The following GLRA1 variants were observed in gnomAD, a reference collection of about 807,000 sequenced individuals.
GLRA1 encodes the protein glycine receptor alpha 1.
Under a neutral mutation model 48.3 loss-of-function variants are expected in GLRA1, and 37 were observed. That is an observed-to-expected ratio of 0.77 (90% CI 0.59 to 1.01). The LOEUF is 1.01. Ranked by LOEUF, GLRA1 falls within the 50% of genes least tolerant of loss-of-function variation. The probability of loss-of-function intolerance (pLI) is 0.00; values close to 1 mark genes in which losing one functional copy is unlikely to be tolerated. For missense variants in GLRA1, 427 were observed against 571.0 expected, an observed-to-expected ratio of 0.75 and a Z score of 2.57; for synonymous variants, 196 against 210.7, an observed-to-expected ratio of 0.93 and a Z score of 0.60.
At chr5:151,854,503 G>A (rs12109022) in intron 6 of GLRA1, among the ~76,000 whole-genome samples, 60,559 of 152,070 alleles carry the variant, frequency 0.4, 12,227 homozygotes, top group South Asian at 0.45. Context: ...AGCCAGTCTT[G>A]ATCTGGCCCC....
chr5:151,849,242 C>CTTCCTTCCTTCCTTCT (rs1752805778), intron 7 of GLRA1, among the ~76,000 whole-genome samples: 1 of 93,002 alleles, frequency 1.1e-5, no homozygotes, highest in African/African-American at 4.9e-5. Flanking sequence ...TCCTTCCTTC[C>CTTCCTTCCTTCCTTCT]TTCCTTCCCT....
At chr5:151,865,934 G>T (rs1753324223) in intron 3 of GLRA1, among the ~76,000 whole-genome samples, 1 of 152,130 alleles carries the variant, frequency 6.6e-6, no homozygotes, top group Non-Finnish European at 1.5e-5. Context: ...CAATGTAATT[G>T]GTGTAATAGG....
At chr5:151,876,682 G>A (rs573166101) in intron 3 of GLRA1, among the ~76,000 whole-genome samples, 2 of 152,130 alleles carry the variant, frequency 1.3e-5, no homozygotes, top group Non-Finnish European at 2.9e-5. Flanking sequence ...TCTTTGGGCA[G>A]TGCCATGTGA....
chr5:151,839,905 A>T (rs1478404317), intron 7 of GLRA1, among the ~76,000 whole-genome samples: 1 of 152,206 alleles, frequency 6.6e-6, no homozygotes, highest in Non-Finnish European at 1.5e-5. Context: ...TTAAACCACC[A>T]AATCTGTGGC....
chr5:151,905,611 C>T (rs1042840300), intron 1 of GLRA1, among the ~76,000 whole-genome samples: 23 of 152,118 alleles, frequency 1.5e-4, no homozygotes, highest in African/African-American at 5.6e-4. Flanking sequence ...AGAAATATTT[C>T]TGAGGCAGAA....
At position 151,870,812 on chromosome 5, in the gene GLRA1, T is replaced by C. The variant is rs777906305; in HGVS notation, c.253-10804A>G. On this transcript the variant is annotated intron_variant, in intron 3 of 8. Coordinates refer to ENST00000274576, the MANE Select transcript of GLRA1 (RefSeq NM_000171.4). The stretch of plus-strand genomic sequence containing the variant: ...CTTCCCTCAAGACTGTCTACCTCTC[T>C]TTTCTCCAATTCCAGTTATGTTAAA... 7.3e-4 allele frequency among the ~76,000 whole-genome samples: 109 copies of C among 149,922 alleles called. 2 individuals are homozygous for C. The highest frequency in any genetic ancestry group is 3.4e-3 in the Middle Eastern group (1 of 294).
intron 8 of GLRA1, among the ~76,000 whole-genome samples, chr5:151,825,919 C>T (rs1205532310): frequency 2.0e-5 from 3 of 152,138 alleles, no homozygotes; most frequent in African/African-American, 7.2e-5. Context: ...TTGTACACCT[C>T]TAGGGTACAA....
At chr5:151,827,826 G>A (rs749369502) in intron 8 of GLRA1, among the ~76,000 whole-genome samples, 3 of 152,066 alleles carry the variant, frequency 2.0e-5, no homozygotes, top group Non-Finnish European at 4.4e-5. Flanking sequence ...TCTGTCAGTG[G>A]AAAAACTTCA....
intron 2 of GLRA1, 123 bp from the exon 3 acceptor site, chr5:151,886,911 C>T: frequency 1.3e-6 from 1 of 758,308 alleles, no homozygotes; most frequent in South Asian, 1.4e-5. Context: ...TCCTTGCTTG[C>T]TCTCCACCCC....
chr5:151,892,341 A>G lies in GLRA1; in HGVS notation c.154T>C (p.Tyr52His). 1 of 1,614,002 alleles carries G rather than the reference A, an allele frequency of 6.2e-7. No homozygotes were observed. Among genetic ancestry groups the G allele is most frequent in the Non-Finnish European group, 8.5e-7 (1 of 1,179,862 alleles). Residue 52 changes from tyrosine to histidine, a missense_variant, in exon 2 of 9, where the codon TAT (tyrosine) becomes CAT (histidine). This residue lies in a region of GLRA1 where 271 missense variants were observed against 434.9 expected (regional missense o/e 0.62). Coordinates refer to ENST00000274576, the MANE Select transcript of GLRA1 (RefSeq NM_000171.4). ...AAATTGGGCCTGATCCTGGCATCATATCCGGAGGTTCTCCCCATTAGCTTA... is the reference window on the plus strand; with the variant it reads ...AAATTGGGCCTGATCCTGGCATCATGTCCGGAGGTTCTCCCCATTAGCTTA... ...LDKLMGRTSG[Y>H]DARIRPNFKG...
Position 151,869,989 on chromosome 5 carries a change from A to G in GLRA1, c.253-9981T>C, listed in dbSNP as rs1001110733. 3.5e-4 allele frequency among the ~76,000 whole-genome samples: 53 copies of G among 149,722 alleles called. 5 individuals are homozygous for G. The highest frequency in any genetic ancestry group is 1.3e-3 in the African/African-American group (51 of 39,296). ...TAAAAAAAATTTTAAACCAAGTTCA[A>G]TTTATTTTATTTTAAAACATCTATT... is the stretch of plus-strand genomic sequence containing the variant. On this transcript the variant is annotated intron_variant, in intron 3 of 8. Transcript: ENST00000274576.
chr5:151,866,772 A>G (rs1007942729), intron 3 of GLRA1, among the ~76,000 whole-genome samples: 3 of 152,060 alleles, frequency 2.0e-5, no homozygotes, highest in African/African-American at 7.2e-5. Context: ...ATGGACACAA[A>G]TATCTACCAC....
At chr5:151,914,196 G>T (rs958017311) in intron 1 of GLRA1, among the ~76,000 whole-genome samples, 2 of 152,178 alleles carry the variant, frequency 1.3e-5, no homozygotes, top group Admixed American at 6.5e-5. Flanking sequence ...ACATTGGAAA[G>T]TGTCTCTGGT....
chr5:151,862,127 C>T (rs1753223792), intron 3 of GLRA1, among the ~76,000 whole-genome samples: 1 of 152,154 alleles, frequency 6.6e-6, no homozygotes, highest in Non-Finnish European at 1.5e-5. Context: ...AATAATACCA[C>T]ACATCTACAA....
At chr5:151,863,026 A>G (rs773843323) in intron 3 of GLRA1, among the ~76,000 whole-genome samples, 10 of 152,228 alleles carry the variant, frequency 6.6e-5, no homozygotes, top group Admixed American at 1.3e-4. Context: ...TTCAGTTTCT[A>G]TTCACAACGT....
intron 1 of GLRA1, among the ~76,000 whole-genome samples, chr5:151,919,400 A>G (rs1380879818): frequency 6.6e-6 from 1 of 152,222 alleles, no homozygotes; most frequent in African/African-American, 2.4e-5. Flanking sequence ...GTGGTCAGGC[A>G]TCATGTTTTC....
At chr5:151,924,342 G>C in intron 1 of GLRA1, 152 bp downstream of exon 1, 1 of 668,420 alleles carries the variant, frequency 1.5e-6, no homozygotes, top group Non-Finnish European at 2.7e-6. Context: ...GGGTGGGAGG[G>C]GGGAGAAGGG....
intron 3 of GLRA1, among the ~76,000 whole-genome samples, chr5:151,860,325 A>G (rs1010983636): frequency 3.9e-5 from 6 of 152,232 alleles, no homozygotes; most frequent in African/African-American, 1.2e-4. Flanking sequence ...ACTTGTTTTC[A>G]TCATCCTGTT....
At chr5:151,878,923 A>T (rs1271835112) in intron 3 of GLRA1, among the ~76,000 whole-genome samples, 1 of 152,222 alleles carries the variant, frequency 6.6e-6, no homozygotes, top group Non-Finnish European at 1.5e-5. Context: ...GCCCCCACAC[A>T]GAGTCCCTAC....
Sources: gnomAD v4.1 joint callset for allele counts (sites outside exome capture counted in the v4.1 genomes callset) on GRCh38, gnomAD v4.1.1 for gene constraint, gnomAD v4.1.1 regional missense constraint, MANE v1.5 for transcripts, NCBI Gene and HGNC (gene_info 2026-07-23, HGNC 2026-07-21) for gene names.